Variants in POLA1 observed in about 807,000 individuals in gnomAD.
POLA1 encodes the protein DNA polymerase alpha catalytic subunit.
In POLA1, 15 loss-of-function variants were observed where a neutral mutation model predicts 124.0. That is an observed-to-expected ratio of 0.12 (90% CI 0.08 to 0.19). The LOEUF (loss-of-function observed/expected upper bound fraction) is 0.19, where lower values mean the gene tolerates loss of function less well. POLA1 is among the 10% of genes least tolerant of loss of function. The pLI, the probability that POLA1 is intolerant of heterozygous loss-of-function variation, is 1.00. For synonymous variants in POLA1, 408 were observed against 389.4 expected (o/e 1.05, Z -0.56); for missense variants, 886 against 1,103.4 (o/e 0.80, Z 2.79).
chrX:24,741,115 T>TTG (rs751996539), intron 20 of POLA1, among the ~76,000 whole-genome samples: 7,120 of 89,489 alleles, frequency 0.08, 660 homozygotes, highest in African/African-American at 0.25. Context: ...TTATGGGATT[T>TTG]TGTGTGTGTG....
chrX:24,985,990 G>A (rs924625956), intron 36 of POLA1, among the ~76,000 whole-genome samples: 3 of 111,331 alleles, frequency 2.7e-5, no homozygotes, highest in Non-Finnish European at 1.9e-5. Context: ...TGACCAACAT[G>A]GAGAAACCCC....
chrX:24,960,002 A>G (rs2048151571), intron 36 of POLA1, among the ~76,000 whole-genome samples: 1 of 111,430 alleles, frequency 9.0e-6, no homozygotes, highest in African/African-American at 3.3e-5. Context: ...AATTCTTTGA[A>G]GTCTTTTGGG....
intron 36 of POLA1, among the ~76,000 whole-genome samples, chrX:24,964,537 T>G (rs1437417673): frequency 8.9e-6 from 1 of 112,721 alleles, no homozygotes; most frequent in Non-Finnish European, 1.9e-5. Flanking sequence ...TGACACCAAA[T>G]AAATACTTAA....
chrX:24,988,382 C>G (rs1374916255), intron 36 of POLA1, among the ~76,000 whole-genome samples: 1 of 112,647 alleles, frequency 8.9e-6, no homozygotes, highest in Admixed American at 9.4e-5. Flanking sequence ...GCTTGACATT[C>G]AGAAATAAGA....
At chrX:24,735,249 A>G (rs1278843004) in intron 17 of POLA1, 150 bp from the exon 18 acceptor site, 4 of 406,240 alleles carry the variant, frequency 9.8e-6, no homozygotes, top group East Asian at 4.0e-5. Flanking sequence ...TATGAAACCT[A>G]CAATCAGGAA....
intron 36 of POLA1, among the ~76,000 whole-genome samples, chrX:24,951,343 A>ACCCCC (rs57038936): frequency 4.9e-4 from 20 of 40,939 alleles, no homozygotes; most frequent in South Asian, 3.7e-3. Flanking sequence ...ACACCTCCCT[A>ACCCCC]CCCCCCCCCC....
chrX:24,905,352 T>C (rs1044760796), intron 35 of POLA1, among the ~76,000 whole-genome samples: 1 of 90,388 alleles, frequency 1.1e-5, no homozygotes, highest in Non-Finnish European at 2.1e-5. Flanking sequence ...ATCCAGGATA[T>C]AATTCTGTAA....
At position 24,733,744 on chromosome X, in the gene POLA1, C is replaced by A. The variant is rs760814263; in HGVS notation, c.1772-11C>A. The A allele has an allele frequency of 9.8e-7, 1 of 1,019,450 alleles. No homozygotes were observed. Among genetic ancestry groups the A allele is most frequent in the South Asian group, 2.2e-5 (1 of 45,311 alleles). The allele number at this position is 1,019,450 out of a possible 1,213,427, so 84.0% of individuals were successfully genotyped here. On this transcript the variant is annotated splice_polypyrimidine_tract_variant and intron_variant, in intron 16 of 36. Coordinates refer to ENST00000379068, the MANE Select transcript of POLA1 (RefSeq NM_001330360.2). ...GGGTGTTGGAATCTTTATTTTTTTT[C>A]CTTTTTACAGTTGTGTCTAAACCAA...
At chrX:24,770,114 G>A (rs6628032) in intron 26 of POLA1, among the ~76,000 whole-genome samples, 49,271 of 110,412 alleles carry the variant, frequency 0.45, 8,848 homozygotes, top group East Asian at 0.66. Context: ...TTTTGTTATT[G>A]CACTTTAACA....
chrX:24,699,346 A>G, intron 1 of POLA1, 79 bp from the exon 2 acceptor site: 1 of 791,331 alleles, frequency 1.3e-6, no homozygotes, highest in Non-Finnish European at 1.8e-6. Flanking sequence ...ATTGTTGGCT[A>G]GAAACTTTTC....
At chrX:24,930,857 T>C (rs972212705) in intron 36 of POLA1, among the ~76,000 whole-genome samples, 2 of 112,558 alleles carry the variant, frequency 1.8e-5, no homozygotes, top group African/African-American at 3.2e-5. Flanking sequence ...TTAGTAACTG[T>C]AATAAAGTAA....
At chrX:24,864,127 G>A (rs1377891338) in intron 34 of POLA1, among the ~76,000 whole-genome samples, 2 of 109,907 alleles carry the variant, frequency 1.8e-5, no homozygotes, top group Non-Finnish European at 3.8e-5. Context: ...GATTACAGGC[G>A]CCTACCACCA....
At chrX:24,862,170 TA>T (rs2046724988) in intron 34 of POLA1, among the ~76,000 whole-genome samples, 1 of 112,132 alleles carries the variant, frequency 8.9e-6, no homozygotes, top group Admixed American at 9.4e-5. Context: ...TACCATAGTA[TA>T]AAATACAGTT....
rs17217836 is a variant in POLA1 at position 24,795,090 on chromosome X, A to G, written c.2965-14808A>G. On this transcript the variant is annotated intron_variant, in intron 26 of 36. Transcript: ENST00000379068. ...TTTTTTGACTTACATTTAATTTTAC[A>G]TGCTCTTAGCTTTGGAGGACCGATT... 7.1e-3 allele frequency among the ~76,000 whole-genome samples: 784 copies of G among 111,118 alleles called. 5 individuals carry two copies. Among genetic ancestry groups the G allele is most frequent in the Non-Finnish European group, 0.011 (568 of 53,046 alleles).
intron 26 of POLA1, among the ~76,000 whole-genome samples, chrX:24,751,442 AAAAC>A (rs1932316425): frequency 8.9e-6 from 1 of 112,253 alleles, no homozygotes; most frequent in African/African-American, 3.2e-5. Context: ...TCTCCACTAA[AAAAC>A]AAAGGATTTC....
intron 35 of POLA1, among the ~76,000 whole-genome samples, chrX:24,928,664 G>T (rs1601880300): frequency 8.9e-6 from 1 of 111,942 alleles, no homozygotes; most frequent in Admixed American, 9.5e-5. Flanking sequence ...TAATTTCAGT[G>T]TTCTATTCAA....
At chrX:24,807,302 T>C (rs1036139579) in intron 26 of POLA1, among the ~76,000 whole-genome samples, 2 of 112,324 alleles carry the variant, frequency 1.8e-5, no homozygotes, top group Admixed American at 1.9e-4. Context: ...AGTTACGTTA[T>C]GGTGTTGTCC....
rs959566848 is a variant in POLA1 at position 24,996,229 on chromosome X, G to A, written c.*279G>A. On this transcript the variant is annotated 3_prime_UTR_variant, in exon 37 of 37. Coordinates refer to ENST00000379068, the MANE Select transcript of POLA1 (RefSeq NM_001330360.2). ...CCCTCCCCAAGCTCCTGAAGACCCG[G>A]TTTCTGAGGGAGGGAAATTGCTACT... is the stretch of plus-strand genomic sequence containing the variant. 1.7e-5 allele frequency: 4 copies of A among 233,742 alleles called. No homozygotes were observed. The highest frequency in any genetic ancestry group is 3.0e-5 in the Non-Finnish European group (4 of 132,260). 19.3% of individuals were successfully genotyped at this position (233,742 alleles called of 1,213,427 possible). A position where few individuals can be genotyped will look rare whatever the true frequency, so the allele number is the denominator to read the frequency against.
At chrX:24,985,994 A>G (rs2048475820) in intron 36 of POLA1, among the ~76,000 whole-genome samples, 1 of 111,376 alleles carries the variant, frequency 9.0e-6, no homozygotes, top group South Asian at 3.8e-4. Context: ...CAACATGGAG[A>G]AACCCCGTCT....
Sources: allele counts gnomAD v4.1 joint callset (sites outside exome capture counted in the v4.1 genomes callset), GRCh38; gene constraint gnomAD v4.1.1; transcripts MANE v1.5; gene names NCBI Gene and HGNC (gene_info 2026-07-23, HGNC 2026-07-21).